The following PGM3 variants were observed in gnomAD, a reference collection of about 807,000 sequenced individuals.
PGM3 encodes phosphoacetylglucosamine mutase.
Under a neutral mutation model 66.2 loss-of-function variants are expected in PGM3, and 40 were observed. The observed-to-expected ratio is 0.60, with a 90% CI of 0.47 to 0.79. The LOEUF (loss-of-function observed/expected upper bound fraction) is 0.79. Ranked by LOEUF, PGM3 falls within the 30% of genes least tolerant of loss-of-function variation. The pLI, the probability that PGM3 is intolerant of heterozygous loss-of-function variation, is 0.00. For synonymous variants in PGM3, 191 were observed against 224.2 expected, an observed-to-expected ratio of 0.85 and a Z score of 1.32; for missense variants, 537 against 643.4, an observed-to-expected ratio of 0.83 and a Z score of 1.79.
chr6:83,162,750 G>A (rs2128427233), downstream of PGM3: 1 of 1,566,388 alleles, frequency 6.4e-7, no homozygotes, highest in South Asian at 1.2e-5. Flanking sequence ...ATGGCACAAA[G>A]TCTGTCTTAC....
chr6:83,156,400 A>G (rs1162197753), downstream of PGM3, among the ~76,000 whole-genome samples: 1 of 152,202 alleles, frequency 6.6e-6, no homozygotes, highest in Non-Finnish European at 1.5e-5. Flanking sequence ...TCATGTTAGC[A>G]TGTTCTCCTT....
the PGM3 span, chr6:83,151,963 T>C: frequency 6.2e-7 from 1 of 1,613,984 alleles, no homozygotes; most frequent in Non-Finnish European, 8.5e-7. Context: ...TGCGACGAAA[T>C]CTTGAAGTTA....
At chr6:83,187,170 T>A (rs1788645465) in intron 3 of PGM3, 95 bp from the exon 4 acceptor site, 1 of 731,616 alleles carries the variant, frequency 1.4e-6, no homozygotes, top group Non-Finnish European at 2.4e-6. Context: ...TGCTACAAAT[T>A]TCAAAATAGT....
chr6:83,182,768 A>G, intron 5 of PGM3, 77 bp downstream of exon 5: 1 of 1,353,992 alleles, frequency 7.4e-7, no homozygotes, highest in South Asian at 1.3e-5. Context: ...AGGCATGACA[A>G]ACAAGATAAT....
chr6:83,178,508 A>T (rs1207666980), intron 8 of PGM3, among the ~76,000 whole-genome samples, 165 bp downstream of exon 8: 6 of 152,240 alleles, frequency 3.9e-5, no homozygotes, highest in African/African-American at 1.4e-4. Context: ...TCCTTTATTC[A>T]TCAAGGACAA....
intron 4 of PGM3, among the ~76,000 whole-genome samples, chr6:83,186,603 T>C (rs969533036): frequency 5.3e-5 from 8 of 152,184 alleles, no homozygotes; most frequent in Non-Finnish European, 1.2e-4. Context: ...GTCAAAAATA[T>C]TTCCCATCAC....
chr6:83,189,682 A>G (rs1424811803), intron 2 of PGM3, among the ~76,000 whole-genome samples: 2 of 152,240 alleles, frequency 1.3e-5, no homozygotes, highest in Admixed American at 1.3e-4. Flanking sequence ...TTAATGGCCT[A>G]TAGCTAATAA....
In PGM3 at chr6:83,172,044, T is replaced by C. The variant is rs781101543; in HGVS notation, c.1258A>G (p.Ile420Val). ...GCTTCAATCACCAGCATGTCAGAAA[T>C]AGCATCACCAGCTGCCTGCAAATGG... ...DLFNQAAGDA[I>V]SDMLVIEAIL... The change falls in exon 11 of 13, where the codon ATT (isoleucine) becomes GTT (valine). Residue 420 changes from isoleucine (I) to valine (V), a missense_variant. Physicochemically the swap from Ile to Val is conservative, Grantham distance 29 (BLOSUM62 3). Coordinates refer to ENST00000513973, the MANE Select transcript of PGM3 (RefSeq NM_015599.3). 1.9e-6 allele frequency: 3 copies of C among 1,613,914 alleles called. No homozygotes were observed. Among genetic ancestry groups the C allele is most frequent in the East Asian group, 2.2e-5 (1 of 44,854 alleles).
chr6:83,176,876 C>T (rs1787810195), intron 8 of PGM3, among the ~76,000 whole-genome samples: 1 of 152,120 alleles, frequency 6.6e-6, no homozygotes, highest in Non-Finnish European at 1.5e-5. Flanking sequence ...AATCCTAAAA[C>T]AATAACCCAA....
chr6:83,156,974 A>G (rs1477714706), downstream of PGM3, among the ~76,000 whole-genome samples: 2 of 152,198 alleles, frequency 1.3e-5, no homozygotes, highest in Non-Finnish European at 2.9e-5. Context: ...GAATCTGCTT[A>G]ATAAGAAAAT....
rs1255214451 is a variant in PGM3 at position 83,164,925 on chromosome 6, T to C, written c.*4309A>G. 1.0e-5 allele frequency: 5 copies of C among 480,292 alleles called. No homozygotes were observed. The allele number at this position is 480,292 out of a possible 1,614,324, so 29.8% of individuals were successfully genotyped here. A position where few individuals can be genotyped will look rare whatever the true frequency, so the allele number is the denominator to read the frequency against. On this transcript the variant is annotated 3_prime_UTR_variant, in exon 13 of 13. Transcript: ENST00000513973. ...AATATTGAGACAATACATATAGTTCTGATTAAGAGCATCAGAAACTCTGAA... is the reference window on the plus strand; with the variant it reads ...AATATTGAGACAATACATATAGTTCCGATTAAGAGCATCAGAAACTCTGAA...
chr6:83,155,942 CT>C, the PGM3 span: 1 of 1,602,832 alleles, frequency 6.2e-7, no homozygotes, highest in Non-Finnish European at 8.5e-7. Context: ...CTTTCACTTG[CT>C]TTTTCAGCTC....
chr6:83,171,796 TA>T, intron 11 of PGM3, 140 bp downstream of exon 11: 1 of 662,460 alleles, frequency 1.5e-6, no homozygotes, highest in Middle Eastern at 3.7e-4. Flanking sequence ...GCTTGGCCCA[TA>T]AGGCCTTATT....
the PGM3 span, chr6:83,152,241 A>G: frequency 2.6e-6 from 3 of 1,144,758 alleles, no homozygotes; most frequent in Non-Finnish European, 3.8e-6. Context: ...CATAAAATTT[A>G]TTTTCAGTGG....
At chr6:83,184,687 A>G (rs1185494676) in intron 4 of PGM3, among the ~76,000 whole-genome samples, 1 of 152,214 alleles carries the variant, frequency 6.6e-6, no homozygotes, top group Non-Finnish European at 1.5e-5. Context: ...CTTTGAATGC[A>G]ATACCAATTT....
In PGM3 at chr6:83,170,449, G is replaced by A. The variant is rs540471794; in HGVS notation, c.1395C>T (p.Thr465=). The change falls in exon 12 of 13, where the codon ACC becomes ACT. Residue 465 remains threonine (T), a synonymous_variant. Coordinates refer to ENST00000513973, the MANE Select transcript of PGM3 (RefSeq NM_015599.3). ...GTGTAACTGCTTGTCTTTCAGCATC[G>A]GTAGTGCTAATAACTCTCCTGTCTG... ...QVADRRVIST[T]DAERQAVTPP... 2.7e-5 allele frequency: 43 copies of A among 1,613,780 alleles called. 1 individual carries two copies. Among genetic ancestry groups the A allele is most frequent in the South Asian group, 1.2e-4 (11 of 91,088 alleles).
intron 12 of PGM3, chr6:83,169,550 A>G (rs1786635080): frequency 1.8e-6 from 1 of 542,584 alleles, no homozygotes; most frequent in Non-Finnish European, 3.3e-6. Flanking sequence ...TTTTTAATCA[A>G]TTCAGATTAT....
At chr6:83,152,620 C>CTTT in the PGM3 span, among the ~76,000 whole-genome samples, 6 of 133,872 alleles carry the variant, frequency 4.5e-5, no homozygotes, top group Non-Finnish European at 3.2e-5. Context: ...TTTTCTTTTT[C>CTTT]TTTTTTTTTT....
downstream of PGM3, chr6:83,159,721 G>A (rs1404044725): frequency 6.6e-7 from 1 of 1,519,988 alleles, no homozygotes; most frequent in Admixed American, 1.8e-5. Flanking sequence ...ATATTAGCTG[G>A]TACTTTTAGA....
Sources: gnomAD v4.1 joint callset for allele counts (sites outside exome capture counted in the v4.1 genomes callset) on GRCh38, gnomAD v4.1.1 for gene constraint, MANE v1.5 for transcripts, NCBI Gene and HGNC (gene_info 2026-07-23, HGNC 2026-07-21) for gene names.